Variants in CLTCL1 observed in about 807,000 individuals in gnomAD.
The protein encoded by CLTCL1 is clathrin heavy chain 2.
In CLTCL1, 159 loss-of-function variants were observed where a neutral mutation model predicts 190.0. The observed-to-expected ratio is 0.84, with a 90% CI of 0.74 to 0.95. CLTCL1 has a LOEUF of 0.95. Among genes scored for constraint, CLTCL1 ranks in the 40% least tolerant of loss-of-function variants. The pLI is 0.00. For synonymous variants in CLTCL1, 752 were observed against 769.6 expected (o/e 0.98, Z 0.38); for missense variants, 1,878 against 2,033.4 (o/e 0.92, Z 1.47).
At chr22:19,235,558 G>A (rs2086055398) in intron 6 of CLTCL1, 138 bp downstream of exon 6, 4 of 757,888 alleles carry the variant, frequency 5.3e-6, no homozygotes, top group Non-Finnish European at 8.8e-6. Flanking sequence ...CAATATGAAG[G>A]AGGAGACATG....
rs1240177577 is a variant in CLTCL1, at chr22:19,226,349, G to A, written c.1817C>T (p.Thr606Ile). ...ADAILGNKMF[T>I]HYDRAHIAQL... ...GGCAATGTGGGCCCGGTCGTAATGAGTAAACATTTTATTTCCAAGGATGGC... is the reference window on the plus strand; with the variant it reads ...GGCAATGTGGGCCCGGTCGTAATGAATAAACATTTTATTTCCAAGGATGGC... Residue 606 changes from threonine to isoleucine, a missense_variant, in exon 12 of 33, where the codon ACT becomes ATT. Coordinates refer to ENST00000427926, the MANE Select transcript of CLTCL1 (RefSeq NM_007098.4). The A allele has an allele frequency of 1.2e-6, 2 of 1,614,058 alleles. No individual in the cohort carries two copies. The highest frequency in any genetic ancestry group is 2.7e-5 in the African/African-American group (2 of 75,060).
At chr22:19,275,443 G>C (rs1050781232) in intron 2 of CLTCL1, among the ~76,000 whole-genome samples, 180 bp downstream of exon 2, 3 of 152,026 alleles carry the variant, frequency 2.0e-5, no homozygotes, top group Non-Finnish European at 4.4e-5. Flanking sequence ...AGAAGCTCTG[G>C]TGCTCAGGGG....
intron 29 of CLTCL1, among the ~76,000 whole-genome samples, chr22:19,186,874 T>C (rs1555928551): frequency 2.0e-5 from 3 of 152,262 alleles, no homozygotes; most frequent in Non-Finnish European, 4.4e-5. Context: ...GTGCTGGGAT[T>C]ACAGGTGTGA....
intron 11 of CLTCL1, among the ~76,000 whole-genome samples, chr22:19,228,359 C>T (rs1306067976): frequency 6.6e-6 from 1 of 152,214 alleles, no homozygotes; most frequent in Non-Finnish European, 1.5e-5. Flanking sequence ...TAAGCCAGAG[C>T]CTGCTGGCAC....
At chr22:19,239,229 G>T in intron 5 of CLTCL1, 46 bp downstream of exon 5, 1 of 1,436,864 alleles carries the variant, frequency 7.0e-7, no homozygotes, top group Non-Finnish European at 9.8e-7. Flanking sequence ...AGGTGCTAGA[G>T]TAGATTTTAG....
chr22:19,269,298 G>C (rs1306368854), intron 2 of CLTCL1, among the ~76,000 whole-genome samples: 1 of 152,050 alleles, frequency 6.6e-6, no homozygotes, highest in Admixed American at 6.6e-5. Context: ...TACTTGGGAG[G>C]CTGAGGCAGG....
chr22:19,179,972 G>A lies in CLTCL1; in HGVS notation c.*21-3C>T, dbSNP rs999172184. 3.5e-6 allele frequency: 2 copies of A among 572,904 alleles called. No individual in the cohort carries two copies. Among genetic ancestry groups the A allele is most frequent in the South Asian group, 2.1e-5 (1 of 48,064 alleles). The allele number at this position is 572,904 out of a possible 1,614,324, so 35.5% of individuals were successfully genotyped here. Reference sequence around the variant, plus strand: ...AGGGGCTGGGCCCACGGCAGGGCCTGCAGAGGGGGAAGCCCACAATGAGCA... The same window carrying A: ...AGGGGCTGGGCCCACGGCAGGGCCTACAGAGGGGGAAGCCCACAATGAGCA... On this transcript the variant is annotated splice_polypyrimidine_tract_variant and splice_region_variant and intron_variant, in intron 32 of 32. Coordinates refer to ENST00000427926, the MANE Select transcript of CLTCL1 (RefSeq NM_007098.4).
At chr22:19,242,476 A>G (rs1484147968) in intron 4 of CLTCL1, among the ~76,000 whole-genome samples, 7 of 152,000 alleles carry the variant, frequency 4.6e-5, no homozygotes, top group Non-Finnish European at 8.8e-5. Flanking sequence ...TTGTATTTTT[A>G]GTAGAGACGG....
At chr22:19,262,527 G>A (rs2086983034) in intron 2 of CLTCL1, among the ~76,000 whole-genome samples, 1 of 151,384 alleles carries the variant, frequency 6.6e-6, no homozygotes, top group Non-Finnish European at 1.5e-5. Context: ...ACCTATTTGG[G>A]AGGCTGAGGC....
rs782815983 is a variant in CLTCL1, at chr22:19,232,572, A to G, written c.1548T>C (p.Phe516=). The change falls in exon 10 of 33, where the codon TTT becomes TTC. Residue 516 remains phenylalanine, a synonymous_variant. Transcript: ENST00000427926. ...TGATCTTCATTACACCCCTCAGCAG[A>G]AAGATCCAGTCTGGGGTGTACCCAA... is the stretch of plus-strand genomic sequence containing the variant. ...KKVGYTPDWI[F]LLRGVMKISP... 1.9e-6 allele frequency: 3 copies of G among 1,613,690 alleles called. No individual in the cohort carries two copies. Among genetic ancestry groups the G allele is most frequent in the East Asian group, 4.5e-5 (2 of 44,880 alleles).
chr22:19,250,034 ACT>A, intron 3 of CLTCL1: 1 of 261,342 alleles, frequency 3.8e-6, no homozygotes, highest in East Asian at 9.4e-5. Flanking sequence ...TGGGCAGATC[ACT>A]TGAGGTCAGG....
chr22:19,188,225 C>T, intron 27 of CLTCL1, 134 bp from the exon 28 acceptor site: 1 of 752,196 alleles, frequency 1.3e-6, no homozygotes, highest in Admixed American at 2.3e-5. Flanking sequence ...CTTCTGGACA[C>T]CTAGAACCAA....
intron 14 of CLTCL1, 76 bp downstream of exon 14, chr22:19,223,815 G>C: frequency 1.9e-6 from 3 of 1,567,090 alleles, no homozygotes; most frequent in Non-Finnish European, 2.6e-6. Context: ...CCTGCCCCTG[G>C]GACGTCCTGC....
chr22:19,216,991 G>C (rs1368279462), intron 18 of CLTCL1, among the ~76,000 whole-genome samples: 1 of 152,148 alleles, frequency 6.6e-6, no homozygotes, highest in Non-Finnish European at 1.5e-5. Context: ...AGACAGCTCT[G>C]GACGGTCTTT....
chr22:19,233,255 C>A lies in CLTCL1; in HGVS notation c.1432G>T (p.Val478Leu). Residue 478 changes from valine (V) to leucine (L), a missense_variant, in exon 9 of 33, where the codon GTG (valine) becomes TTG (leucine). By Grantham distance (32) the Val-to-Leu change is conservative. Transcript: ENST00000427926. The stretch of plus-strand genomic sequence containing the variant: ...CTTGGCACATTTGCCCGAAGGTACA[C>A]ACTCAGAGCGAGCATGGGGTCAGTG... ...KTTDPMLALSVYLRANVPSKV... is the reference protein window; with the variant it reads ...KTTDPMLALSLYLRANVPSKV... The A allele has an allele frequency of 6.2e-7, 1 of 1,614,012 alleles. No homozygotes were observed. Among genetic ancestry groups the A allele is most frequent in the South Asian group, 1.1e-5 (1 of 91,086 alleles).
intron 21 of CLTCL1, among the ~76,000 whole-genome samples, chr22:19,208,592 G>A (rs782716524): frequency 6.6e-6 from 1 of 151,912 alleles, no homozygotes; most frequent in African/African-American, 2.4e-5. Context: ...AGAGAGGTCG[G>A]TGCCACAATC....
At chr22:19,236,476 T>C (rs2086084629) in intron 5 of CLTCL1, among the ~76,000 whole-genome samples, 1 of 152,176 alleles carries the variant, frequency 6.6e-6, no homozygotes, top group Non-Finnish European at 1.5e-5. Context: ...AGAAAAATAT[T>C]TAACACACAA....
Position 19,188,001 on chromosome 22 carries a change from T to TCAG in CLTCL1, c.4411_4413dup (p.Leu1471dup), listed in dbSNP as rs2084369888. On this transcript the variant is annotated inframe_insertion, in exon 28 of 33. Coordinates refer to ENST00000427926, the MANE Select transcript of CLTCL1 (RefSeq NM_007098.4). ...CCCACCTGATAGTCCTCCTCCTCTG[T>TCAG]CAGCAGGTGGTTGAGTGCCTCATTC... The TCAG allele has an allele frequency of 1.9e-6, 3 of 1,613,982 alleles. No individual in the cohort carries two copies. The East Asian group carries it at 6.7e-5, about 36-fold the overall frequency.
At chr22:19,233,772 C>T in intron 7 of CLTCL1, 150 bp from the exon 8 acceptor site, 1 of 679,614 alleles carries the variant, frequency 1.5e-6, no homozygotes, top group East Asian at 2.7e-5. Flanking sequence ...GCAACTGCTT[C>T]TATCTTCAAC....
Sources: allele counts gnomAD v4.1 joint callset (sites outside exome capture counted in the v4.1 genomes callset), GRCh38; gene constraint gnomAD v4.1.1; transcripts MANE v1.5; gene names NCBI Gene and HGNC (gene_info 2026-07-23, HGNC 2026-07-21).